Variants in SPMIP11 observed in about 807,000 individuals in gnomAD.
SPMIP11 encodes the protein sperm microtubule inner protein 11.
At chr12:48,754,597 C>T in the SPMIP11 span, among the ~76,000 whole-genome samples, 1 of 152,036 alleles carries the variant, frequency 6.6e-6, no homozygotes, top group African/African-American at 2.4e-5. Flanking sequence ...ACTACAGGTG[C>T]CCGCCACCAT....
chr12:48,731,408 G>T, the SPMIP11 span, among the ~76,000 whole-genome samples: 14 of 151,864 alleles, frequency 9.2e-5, no homozygotes, highest in Non-Finnish European at 1.6e-4. Flanking sequence ...GGAGAATGGC[G>T]TGAACCCGGG....
At chr12:48,770,623 T>A in the SPMIP11 span, 18 of 770,360 alleles carry the variant, frequency 2.3e-5, no homozygotes, top group Non-Finnish European at 3.6e-5. Flanking sequence ...GTTCTTAATA[T>A]CAGACTTGAT....
the SPMIP11 span, chr12:48,771,302 G>A: frequency 2.1e-6 from 1 of 481,134 alleles, no homozygotes; most frequent in East Asian, 3.8e-5. This position sits in a 1 kb window ranked among gnomAD's most constrained non-coding sequence, Gnocchi z 4.3. Flanking sequence ...CTCCAGAACA[G>A]TGAACAGCCC....
At chr12:48,754,570 C>T in the SPMIP11 span, among the ~76,000 whole-genome samples, 1 of 152,026 alleles carries the variant, frequency 6.6e-6, no homozygotes, top group South Asian at 2.1e-4. Flanking sequence ...CCTGCCTCAG[C>T]CTCTCGAGTA....
the SPMIP11 span, among the ~76,000 whole-genome samples, chr12:48,728,897 A>G: frequency 6.6e-6 from 1 of 152,130 alleles, no homozygotes. Flanking sequence ...TAGCCATGCT[A>G]AGCATTTTAA....
chr12:48,741,183 C>T, the SPMIP11 span, among the ~76,000 whole-genome samples: 44,368 of 150,916 alleles, frequency 0.29, 7,387 homozygotes, highest in East Asian at 0.76. Context: ...CTCAGCCTCC[C>T]AAGAATTACA....
At chr12:48,738,898 A>G in the SPMIP11 span, among the ~76,000 whole-genome samples, 2 of 151,500 alleles carry the variant, frequency 1.3e-5, no homozygotes, top group Non-Finnish European at 2.9e-5. Flanking sequence ...GAAATATGTG[A>G]AAACCAGCAC....
chr12:48,728,059 A>G, the SPMIP11 span, among the ~76,000 whole-genome samples: 1 of 152,192 alleles, frequency 6.6e-6, no homozygotes, highest in East Asian at 1.9e-4. Flanking sequence ...AAAAAAAAAA[A>G]AAGACACACA....
chr12:48,757,818 AC>A, the SPMIP11 span, among the ~76,000 whole-genome samples: 1 of 151,838 alleles, frequency 6.6e-6, no homozygotes, highest in African/African-American at 2.4e-5. Flanking sequence ...ACATGGTGAA[AC>A]CCCATCTCTA....
At chr12:48,771,114 G>C in the SPMIP11 span, 2 of 816,262 alleles carry the variant, frequency 2.5e-6, no homozygotes, top group Non-Finnish European at 3.8e-6. The surrounding 1 kb of genome is among the most constrained non-coding windows in gnomAD (Gnocchi z 4.3). Context: ...ATCAGTGTAA[G>C]ACTGAGGAGC....
chr12:48,739,706 C>A, the SPMIP11 span, among the ~76,000 whole-genome samples: 2 of 152,116 alleles, frequency 1.3e-5, no homozygotes, highest in African/African-American at 4.8e-5. Context: ...CGCTTTTAAA[C>A]AACTAGATCT....
the SPMIP11 span, among the ~76,000 whole-genome samples, chr12:48,752,715 A>G: frequency 7.9e-6 from 1 of 126,884 alleles, no homozygotes; most frequent in Non-Finnish European, 1.6e-5. Context: ...CTTGTTGCCC[A>G]GGCTGGAGTA....
the SPMIP11 span, chr12:48,768,935 AC>A: frequency 6.2e-7 from 1 of 1,606,862 alleles, no homozygotes; most frequent in Middle Eastern, 1.7e-4. Context: ...TATCCCCCTC[AC>A]CTGGATTCGG....
chr12:48,763,583 T>C, the SPMIP11 span, among the ~76,000 whole-genome samples: 2 of 152,234 alleles, frequency 1.3e-5, no homozygotes, highest in Non-Finnish European at 2.9e-5. Context: ...ATAAACACTA[T>C]ATAGCAATCC....
the SPMIP11 span, chr12:48,769,006 A>G: frequency 6.2e-7 from 1 of 1,613,944 alleles, no homozygotes; most frequent in Non-Finnish European, 8.5e-7. Flanking sequence ...CCCAGATGTC[A>G]TACTGTGGCT....
the SPMIP11 span, among the ~76,000 whole-genome samples, chr12:48,757,654 A>T: frequency 3.2e-4 from 11 of 34,024 alleles, no homozygotes; most frequent in African/African-American, 6.6e-4. Flanking sequence ...TCAAAAAAAT[A>T]AAAATAAAAA....
At chr12:48,754,755 T>A in the SPMIP11 span, among the ~76,000 whole-genome samples, 2 of 151,390 alleles carry the variant, frequency 1.3e-5, no homozygotes, top group African/African-American at 4.9e-5. Context: ...TGGCCTGTTT[T>A]TCGTTTTTTG....
At chr12:48,760,332 C>A in the SPMIP11 span, among the ~76,000 whole-genome samples, 2 of 151,940 alleles carry the variant, frequency 1.3e-5, no homozygotes, top group Non-Finnish European at 2.9e-5. Flanking sequence ...CACCACCAAG[C>A]CTGGCTAATT....
the SPMIP11 span, chr12:48,770,847 G>T: frequency 6.2e-6 from 10 of 1,614,124 alleles, no homozygotes; most frequent in South Asian, 1.1e-4. Context: ...TAGTCAGCCA[G>T]GGCAGTGATG....
Sources: gnomAD v4.1 joint callset for allele counts (sites outside exome capture counted in the v4.1 genomes callset) on GRCh38, gnomAD v4.1.1 for gene constraint, Gnocchi (gnomAD v3.1) non-coding constraint, MANE v1.5 for transcripts, NCBI Gene and HGNC (gene_info 2026-07-23, HGNC 2026-07-21) for gene names.